The following BEAN1 variants were observed in gnomAD, a reference collection of about 807,000 sequenced individuals.
BEAN1 encodes the protein protein BEAN1.
BEAN1 carries 17 observed loss-of-function variants against 17.7 expected under a neutral mutation model. The ratio of observed to expected loss-of-function variants is 0.96; its 90% CI spans 0.66 to 1.44. The LOEUF is 1.44. BEAN1 is among the 40% of genes most tolerant of loss of function. The probability of loss-of-function intolerance (pLI) is 0.00; values close to 1 mark genes in which losing one functional copy is unlikely to be tolerated. For missense variants in BEAN1, 359 were observed against 374.1 expected, an observed-to-expected ratio of 0.96 and a Z score of 0.33; for synonymous variants, 142 against 151.8, an observed-to-expected ratio of 0.94 and a Z score of 0.47.
intron 2 of BEAN1, among the ~76,000 whole-genome samples, chr16:66,462,385 T>C (rs948100038): frequency 2.0e-5 from 3 of 152,258 alleles, no homozygotes; most frequent in Non-Finnish European, 2.9e-5. Context: ...TCTAGACTAA[T>C]GAAGAGACAG....
intron 2 of BEAN1, among the ~76,000 whole-genome samples, chr16:66,463,879 G>T (rs1038032655): frequency 4.6e-5 from 7 of 152,138 alleles, no homozygotes; most frequent in African/African-American, 1.7e-4. Flanking sequence ...TTGTTGAAAA[G>T]ACTATTCTTT....
At position 66,434,887 on chromosome 16, in the gene BEAN1, C is replaced by T. The variant is rs1332446556; in HGVS notation, c.-82-2708C>T. On this transcript the variant is annotated intron_variant, in intron 1 of 4. Coordinates refer to ENST00000536005, the MANE Select transcript of BEAN1 (RefSeq NM_001178020.3). The surrounding 1 kb of genome is among the most constrained non-coding windows in gnomAD (Gnocchi z 4.3). ...TTTTGAACTTCCCCTCCGTTCCCAACCCTGAGCTAGTTTGCAGAGGCCACA... is the reference window on the plus strand; with the variant it reads ...TTTTGAACTTCCCCTCCGTTCCCAATCCTGAGCTAGTTTGCAGAGGCCACA... Among the ~76,000 whole-genome samples the T allele has an allele frequency of 6.6e-6, 1 of 152,130 alleles. No individual in the cohort carries two copies. The highest frequency in any genetic ancestry group is 6.5e-5 in the Admixed American group (1 of 15,274).
downstream of BEAN1, chr16:66,485,019 T>C (rs922709939): frequency 2.2e-6 from 1 of 454,102 alleles, no homozygotes; most frequent in Admixed American, 2.3e-5. Flanking sequence ...TGTATGGGTG[T>C]GGTGAGGTCC....
intron 2 of BEAN1, among the ~76,000 whole-genome samples, chr16:66,454,729 C>CTTTTTTTTTTTTTTTTTTTTTT (rs538469751): frequency 2.4e-5 from 2 of 83,680 alleles, no homozygotes; most frequent in African/African-American, 9.1e-5. Context: ...TTCTTTCTTT[C>CTTTTTTTTTTTTTTTTTTTTTT]TTTTTTTTTT....
At chr16:66,464,830 T>C (rs1176089595) in intron 2 of BEAN1, among the ~76,000 whole-genome samples, 1 of 152,210 alleles carries the variant, frequency 6.6e-6, no homozygotes, top group African/African-American at 2.4e-5. Flanking sequence ...ATATACAAGA[T>C]TATGTCATCT....
chr16:66,490,244 A>C (rs1196810705), intron 4 of BEAN1, among the ~76,000 whole-genome samples: 2 of 147,006 alleles, frequency 1.4e-5, no homozygotes, highest in African/African-American at 5.0e-5. Flanking sequence ...AAAAAAAAAA[A>C]AAATTAGCCA....
chr16:66,445,292 C>T (rs377035268), intron 2 of BEAN1, among the ~76,000 whole-genome samples: 22 of 150,972 alleles, frequency 1.5e-4, no homozygotes, highest in Admixed American at 2.0e-4. Flanking sequence ...CTGGCTAACA[C>T]GATGAAACCC....
chr16:66,446,948 C>G lies in BEAN1; in HGVS notation c.25+9247C>G, dbSNP rs1444072498. On this transcript the variant is annotated intron_variant, in intron 2 of 4. Transcript: ENST00000536005. ...TCCTCTGCAGGTGTCACTGCAGAAG[C>G]ATGCAGCCTGCATGCTTCAAAGACA... is the stretch of plus-strand genomic sequence containing the variant. 5.3e-5 allele frequency among the ~76,000 whole-genome samples: 8 copies of G among 152,288 alleles called. No homozygotes were observed. The South Asian group carries it at 1.2e-3, about 24-fold the overall frequency.
Position 66,481,008 on chromosome 16 carries a change from G to C in BEAN1, c.*83G>C, listed in dbSNP as rs1362162509. The C allele has an allele frequency of 4.3e-6, 5 of 1,175,330 alleles. No homozygotes were observed. Among genetic ancestry groups the C allele is most frequent in the South Asian group, 1.6e-5 (1 of 60,782 alleles). The allele number at this position is 1,175,330 out of a possible 1,614,324, so 72.8% of individuals were successfully genotyped here. The stretch of plus-strand genomic sequence containing the variant: ...ACACAAAGGCGTGCACACACACACA[G>C]AGATGCACACGTGACTCATAACACA... On this transcript the variant is annotated 3_prime_UTR_variant, in exon 5 of 5. Transcript: ENST00000536005. This position sits in a 1 kb window ranked among gnomAD's most constrained non-coding sequence, Gnocchi z 4.1.
At chr16:66,464,884 TA>T (rs1272659502) in intron 2 of BEAN1, among the ~76,000 whole-genome samples, 1 of 152,242 alleles carries the variant, frequency 6.6e-6, no homozygotes, top group Non-Finnish European at 1.5e-5. Context: ...GGATGCCTTT[TA>T]TTTCATTTTC....
chr16:66,457,401 T>A (rs1227037767), intron 2 of BEAN1, among the ~76,000 whole-genome samples: 1 of 152,178 alleles, frequency 6.6e-6, no homozygotes, highest in Non-Finnish European at 1.5e-5. Flanking sequence ...CTTCCATGTC[T>A]CCTGTCCACT....
At chr16:66,435,709 G>C (rs965787218) in intron 1 of BEAN1, among the ~76,000 whole-genome samples, 2 of 152,026 alleles carry the variant, frequency 1.3e-5, no homozygotes, top group African/African-American at 4.8e-5. Flanking sequence ...GGATGGTCTC[G>C]ATCTCCTGAC....
At position 66,480,890 on chromosome 16, in the gene BEAN1, C is replaced by G; in HGVS notation, c.745C>G (p.Arg249Gly). Residue 249 changes from arginine to glycine, a missense_variant, in exon 5 of 5, where the codon CGG (arginine) becomes GGG (glycine). Arg to Gly is a moderately radical substitution (Grantham distance 125). Transcript: ENST00000536005. Reference sequence around the variant, plus strand: ...CTCCCAGGGCTCACCCACCCCAACCCGGGCCCCAGCCTCTGGCCCAGAGAG... The same window carrying G: ...CTCCCAGGGCTCACCCACCCCAACCGGGGCCCCAGCCTCTGGCCCAGAGAG... ...RGSQGSPTPTRAPASGPERIV is the reference protein window; with the variant it reads ...RGSQGSPTPTGAPASGPERIV The G allele has an allele frequency of 1.4e-6, 2 of 1,466,428 alleles. No homozygotes were observed. Among genetic ancestry groups the G allele is most frequent in the Non-Finnish European group, 1.8e-6 (2 of 1,104,342 alleles). The allele number at this position is 1,466,428 out of a possible 1,614,324, so 90.8% of individuals were successfully genotyped here. A position where few individuals can be genotyped will look rare whatever the true frequency, so the allele number is the denominator to read the frequency against.
Position 66,469,592 on chromosome 16 carries a change from C to T in BEAN1, c.26-10C>T. The T allele has an allele frequency of 6.5e-7, 1 of 1,533,962 alleles. No homozygotes were observed. Among genetic ancestry groups the T allele is most frequent in the Non-Finnish European group, 8.7e-7 (1 of 1,145,332 alleles). Reference sequence around the variant, plus strand: ...GGCTCCAGCTCAGTGTCCTCTCTCTCTGTCCACAGTAGCACGATACAACCG... The same window carrying T: ...GGCTCCAGCTCAGTGTCCTCTCTCTTTGTCCACAGTAGCACGATACAACCG... On this transcript the variant is annotated splice_polypyrimidine_tract_variant and intron_variant, in intron 2 of 4. Coordinates refer to ENST00000536005, the MANE Select transcript of BEAN1 (RefSeq NM_001178020.3).
At chr16:66,489,985 TC>T in intron 4 of BEAN1, among the ~76,000 whole-genome samples, 1 of 151,916 alleles carries the variant, frequency 6.6e-6, no homozygotes, top group Non-Finnish European at 1.5e-5. Context: ...CGAGCCCAGG[TC>T]TGAGGCAGCT....
intron 2 of BEAN1, among the ~76,000 whole-genome samples, chr16:66,441,268 G>A (rs1259277234): frequency 1.3e-5 from 2 of 152,130 alleles, no homozygotes; most frequent in Non-Finnish European, 2.9e-5. Flanking sequence ...CAGACCAGAG[G>A]CCCTCACACA....
At chr16:66,450,802 C>T (rs900167375) in intron 2 of BEAN1, among the ~76,000 whole-genome samples, 2 of 151,996 alleles carry the variant, frequency 1.3e-5, no homozygotes, top group Non-Finnish European at 2.9e-5. Context: ...TCAAGGGACA[C>T]CTACACTGAA....
chr16:66,484,556 G>A (rs1380601827), downstream of BEAN1: 1 of 453,918 alleles, frequency 2.2e-6, no homozygotes, highest in Admixed American at 2.3e-5. The surrounding 1 kb of genome is among the most constrained non-coding windows in gnomAD (Gnocchi z 4.2). Context: ...AGAGGCCCAA[G>A]GAGATGGAAG....
At chr16:66,451,882 G>A (rs1962686380) in intron 2 of BEAN1, among the ~76,000 whole-genome samples, 1 of 152,192 alleles carries the variant, frequency 6.6e-6, no homozygotes, top group Admixed American at 6.5e-5. Flanking sequence ...GCCCAAGGAA[G>A]GTGGCTGAAG....
Sources: allele counts gnomAD v4.1 joint callset (sites outside exome capture counted in the v4.1 genomes callset), GRCh38; gene constraint gnomAD v4.1.1; non-coding constraint Gnocchi (gnomAD v3.1); transcripts MANE v1.5; gene names NCBI Gene and HGNC (gene_info 2026-07-23, HGNC 2026-07-21).